Variants in DCAF17 observed in about 807,000 individuals in gnomAD.
DCAF17 encodes DDB1- and CUL4-associated factor 17.
In DCAF17, 48 loss-of-function variants were observed where a neutral mutation model predicts 66.0. The observed-to-expected ratio is 0.73, with a 90% CI of 0.58 to 0.92. The LOEUF is 0.92. DCAF17 is among the 40% of genes least tolerant of loss of function. The pLI is 0.00. For synonymous variants in DCAF17, 206 were observed against 214.6 expected (o/e 0.96, Z 0.35); for missense variants, 562 against 622.8 (o/e 0.90, Z 1.04).
intron 3 of DCAF17, among the ~76,000 whole-genome samples, chr2:171,448,357 G>A (rs904467616): frequency 2.6e-5 from 4 of 152,114 alleles, no homozygotes; most frequent in African/African-American, 9.7e-5. Context: ...TGTTGTTATT[G>A]TTATCACAGA....
intron 9 of DCAF17, among the ~76,000 whole-genome samples, chr2:171,470,441 C>T (rs755473775): frequency 6.6e-6 from 1 of 152,146 alleles, no homozygotes; most frequent in Non-Finnish European, 1.5e-5. Context: ...AGCGTTGGGT[C>T]CATTTGTCCA....
chr2:171,440,720 T>C (rs1694259133), intron 2 of DCAF17, among the ~76,000 whole-genome samples: 1 of 152,190 alleles, frequency 6.6e-6, no homozygotes. Context: ...TTTCCTCTAG[T>C]GTGCTTATTT....
intron 9 of DCAF17, 137 bp downstream of exon 9, chr2:171,469,167 G>T: frequency 1.1e-6 from 1 of 927,476 alleles, no homozygotes; most frequent in Non-Finnish European, 1.7e-6. Context: ...TTAAAATACA[G>T]AAGAATACAG....
intron 11 of DCAF17, 35 bp downstream of exon 11, chr2:171,476,985 C>A: frequency 6.8e-7 from 1 of 1,461,216 alleles, no homozygotes; most frequent in East Asian, 2.3e-5. Flanking sequence ...CTTTATATAT[C>A]ATTGTCTTTC....
At chr2:171,452,693 G>T in intron 5 of DCAF17, among the ~76,000 whole-genome samples, 1 of 152,144 alleles carries the variant, frequency 6.6e-6, no homozygotes, top group East Asian at 1.9e-4. Context: ...CAGACTCCTA[G>T]CCTCAAGCGA....
intron 2 of DCAF17, 22 bp from the exon 3 acceptor site, chr2:171,443,501 A>G (rs964785568): frequency 4.4e-6 from 7 of 1,582,514 alleles, no homozygotes; most frequent in Non-Finnish European, 6.1e-6. Flanking sequence ...AATAATAATC[A>G]TTTATTTTTC....
intron 2 of DCAF17, among the ~76,000 whole-genome samples, chr2:171,439,510 C>CTTTTTTTTTTTTTTTTTT: frequency 8.4e-6 from 1 of 118,978 alleles, no homozygotes; most frequent in Non-Finnish European, 1.8e-5. Flanking sequence ...TCTTTTTTTT[C>CTTTTTTTTTTTTTTTTTT]CTTTTTTTTT....
intron 8 of DCAF17, among the ~76,000 whole-genome samples, chr2:171,464,489 T>A (rs1273363356): frequency 6.6e-6 from 1 of 152,204 alleles, no homozygotes; most frequent in Non-Finnish European, 1.5e-5. Flanking sequence ...TTTCTCCTTA[T>A]AAGGACACCA....
intron 8 of DCAF17, among the ~76,000 whole-genome samples, chr2:171,461,559 C>T (rs1695588167): frequency 6.6e-6 from 1 of 152,138 alleles, no homozygotes; most frequent in Non-Finnish European, 1.5e-5. Flanking sequence ...GTGTAATTTT[C>T]TAATCTTATA....
Position 171,482,553 on chromosome 2 carries a change from C to T in DCAF17, c.*1439C>T. The T allele has an allele frequency of 2.2e-6, 1 of 453,988 alleles. No homozygotes were observed. Among genetic ancestry groups the T allele is most frequent in the Non-Finnish European group, 4.4e-6 (1 of 226,758 alleles). The allele number at this position is 453,988 out of a possible 1,614,324, so 28.1% of individuals were successfully genotyped here. On this transcript the variant is annotated 3_prime_UTR_variant, in exon 14 of 14. Transcript: ENST00000375255. ...CCAGTGAAAGTACTAAAGAAAGAAA[C>T]CAATGTTGTGTGAGTTTCAAAGCAG...
At chr2:171,466,857 A>G (rs1695934242) in intron 8 of DCAF17, among the ~76,000 whole-genome samples, 2 of 150,868 alleles carry the variant, frequency 1.3e-5, no homozygotes, top group Non-Finnish European at 2.9e-5. Flanking sequence ...CTCTAATTGT[A>G]TGTTTTTCTT....
At chr2:171,454,235 A>G (rs1037915951) in intron 6 of DCAF17, among the ~76,000 whole-genome samples, 7 of 151,972 alleles carry the variant, frequency 4.6e-5, no homozygotes, top group Admixed American at 3.3e-4. Context: ...TAGAGGATCT[A>G]GAATTAAAAC....
intron 6 of DCAF17, among the ~76,000 whole-genome samples, chr2:171,453,788 G>A (rs1371825575): frequency 1.3e-5 from 2 of 152,082 alleles, no homozygotes; most frequent in South Asian, 2.1e-4. Context: ...CTTATTCTTG[G>A]TGCATAGTTA....
At chr2:171,445,415 A>G (rs913255531) in intron 3 of DCAF17, among the ~76,000 whole-genome samples, 4 of 151,984 alleles carry the variant, frequency 2.6e-5, no homozygotes, top group African/African-American at 9.7e-5. Flanking sequence ...ATAAGCCACC[A>G]TGCCCGGTCC....
intron 8 of DCAF17, among the ~76,000 whole-genome samples, chr2:171,465,155 G>A (rs1374722054): frequency 2.0e-5 from 3 of 151,242 alleles, no homozygotes; most frequent in Non-Finnish European, 2.9e-5. Flanking sequence ...CCGAGATTGC[G>A]CCACTGCACT....
intron 8 of DCAF17, 146 bp downstream of exon 8, chr2:171,458,623 C>T (rs1695399422): frequency 3.0e-6 from 2 of 676,908 alleles, no homozygotes; most frequent in Admixed American, 5.5e-5. Flanking sequence ...CCTTGCTATT[C>T]AATAATGAAT....
At chr2:171,480,878 T>C (rs1294507546) in intron 13 of DCAF17, 96 bp from the exon 14 acceptor site, 7 of 1,472,062 alleles carry the variant, frequency 4.8e-6, no homozygotes, top group South Asian at 1.1e-5. Flanking sequence ...AAGTGTATGT[T>C]TGAAGATCCC....
At position 171,464,777 on chromosome 2, in the gene DCAF17, C is replaced by T. The variant is rs545867807; in HGVS notation, c.839-4111C>T. Among the ~76,000 whole-genome samples the T allele has an allele frequency of 2.0e-5, 3 of 152,168 alleles. No homozygotes were observed. In the South Asian group the frequency reaches 6.2e-4, roughly 32 times the overall value. On this transcript the variant is annotated intron_variant, in intron 8 of 13. Coordinates refer to ENST00000375255, the MANE Select transcript of DCAF17 (RefSeq NM_025000.4). ...TCATTTTCATACTTCCAAATTTAGCCGTTCTTTTTTGATTATATTTGTATT... is the reference window on the plus strand; with the variant it reads ...TCATTTTCATACTTCCAAATTTAGCTGTTCTTTTTTGATTATATTTGTATT...
chr2:171,434,849 A>G, intron 1 of DCAF17, 146 bp downstream of exon 1: 2 of 1,191,624 alleles, frequency 1.7e-6, no homozygotes, highest in South Asian at 1.6e-5. Flanking sequence ...GGAATCTGGG[A>G]TAGGTGGTAA....
Sources: gnomAD v4.1 joint callset for allele counts (sites outside exome capture counted in the v4.1 genomes callset) on GRCh38, gnomAD v4.1.1 for gene constraint, MANE v1.5 for transcripts, NCBI Gene and HGNC (gene_info 2026-07-23, HGNC 2026-07-21) for gene names.